Variants in UBN2 observed in about 807,000 individuals in gnomAD.
UBN2 encodes ubinuclein-2.
Under a neutral mutation model 120.2 loss-of-function variants are expected in UBN2, and 35 were observed. The ratio of observed to expected loss-of-function variants is 0.29; its 90% CI spans 0.22 to 0.39. UBN2 has a LOEUF of 0.39. UBN2 is among the 10% of genes least tolerant of loss of function. The pLI is 1.00. For synonymous variants in UBN2, 661 were observed against 648.7 expected (o/e 1.02, Z -0.29); for missense variants, 1,693 against 1,663.2 (o/e 1.02, Z -0.31).
At position 139,259,018 on chromosome 7, in the gene UBN2, C is replaced by G. The variant is rs905155561; in HGVS notation, c.802-249C>G. Among the ~76,000 whole-genome samples, 18 of 152,088 alleles carry G rather than the reference C, an allele frequency of 1.2e-4. No homozygotes were observed. The East Asian group carries it at 3.5e-3, about 29-fold the overall frequency. Reference sequence around the variant, plus strand: ...TGGATAAGTGTTTCTTGAAGTGTGGCCCAAAGACTTACTTACACCAGAATC... The same window carrying G: ...TGGATAAGTGTTTCTTGAAGTGTGGGCCAAAGACTTACTTACACCAGAATC... On this transcript the variant is annotated intron_variant, in intron 4 of 17. Transcript: ENST00000473989.
intron 1 of UBN2, among the ~76,000 whole-genome samples, chr7:139,233,539 T>A (rs1332490668): frequency 6.6e-6 from 1 of 152,178 alleles, no homozygotes; most frequent in East Asian, 1.9e-4. Context: ...CCAACAGAAC[T>A]CCACGAGGTA....
the UBN2 span, among the ~76,000 whole-genome samples, chr7:139,317,186 G>C: frequency 2.0e-5 from 3 of 151,546 alleles, no homozygotes; most frequent in African/African-American, 7.3e-5. Flanking sequence ...TCATTAATCT[G>C]TATTATTATT....
In UBN2 at chr7:139,307,615, C is replaced by T. The variant is rs182744255; in HGVS notation, c.*9779C>T. ...TGCTTGTTTAATTTCCAGCTCAAAT[C>T]GGAGCAGGAATATGGACAAACTGCT... On this transcript the variant is annotated 3_prime_UTR_variant, in exon 18 of 18. Transcript: ENST00000473989. 2.1e-3 allele frequency: 323 copies of T among 152,154 alleles called. 1 individual carries two copies. The highest frequency in any genetic ancestry group is 3.9e-3 in the Non-Finnish European group (264 of 68,030). 9.4% of individuals were successfully genotyped at this position (152,154 alleles called of 1,614,324 possible). A position where few individuals can be genotyped will look rare whatever the true frequency, so the allele number is the denominator to read the frequency against.
rs1216180475 is a variant in UBN2, at chr7:139,283,184, T to G, written c.2279T>G (p.Leu760Arg). Residue 760 changes from leucine (L) to arginine (R), a missense_variant, in exon 15 of 18, where the codon CTT becomes CGT. By Grantham distance (102) the Leu-to-Arg change is moderately radical (BLOSUM62 -2). Around this residue, in one of 5 missense-constraint regions of UBN2, gnomAD observed 837 missense variants for 817.6 expected, o/e 1.02. Transcript: ENST00000473989. ...CTCGACGACTCACTAGATGAAGACC[T>G]TTCTTTCCATTCACCTTCACTGGAT... ...ICLDDSLDED[L>R]SFHSPSLDLV... 1 of 1,612,554 alleles carries G rather than the reference T, an allele frequency of 6.2e-7. No homozygotes were observed. The highest frequency in any genetic ancestry group is 2.2e-5 in the East Asian group (1 of 44,862).
intron 13 of UBN2, 63 bp downstream of exon 13, chr7:139,279,423 G>A (rs1797538227): frequency 1.6e-6 from 2 of 1,283,550 alleles, no homozygotes; most frequent in East Asian, 4.7e-5. Flanking sequence ...ACATTCCTAA[G>A]ATGAAAAAGA....
Position 139,258,564 on chromosome 7 carries a change from G to C in UBN2, c.740G>C (p.Arg247Pro). The C allele has an allele frequency of 6.2e-7, 1 of 1,606,298 alleles. No homozygotes were observed. The highest frequency in any genetic ancestry group is 8.5e-7 in the Non-Finnish European group (1 of 1,175,908). ...ATCAACACTGGCACTCTACAGTTTC[G>C]CCAAGCTTCAGATACTGAAGAAGAT... ...FYINTGTLQF[R>P]QASDTEEDDI... Residue 247 changes from arginine (R) to proline (P), a missense_variant, in exon 4 of 18, where the codon CGC (arginine) becomes CCC (proline). Physicochemically the swap from Arg to Pro is moderately radical, Grantham distance 103. This residue lies in a region of UBN2 where 663 missense variants were observed against 591.2 expected (regional missense o/e 1.12). Coordinates refer to ENST00000473989, the MANE Select transcript of UBN2 (RefSeq NM_173569.4).
rs934909318 is a variant in UBN2, at chr7:139,293,527, T to G, written c.3901+64T>G. 9.2e-6 allele frequency: 13 copies of G among 1,416,822 alleles called. No individual in the cohort carries two copies. In the African/African-American group the frequency reaches 1.7e-4, roughly 19 times the overall value. 87.8% of individuals were successfully genotyped at this position (1,416,822 alleles called of 1,614,324 possible). On this transcript the variant is annotated intron_variant, in intron 16 of 17. Transcript: ENST00000473989. The stretch of plus-strand genomic sequence containing the variant: ...TGACAGAACAGGAAACCTCACAAAT[T>G]TATTCTAATTAAGAGTAGTCCAGTT...
chr7:139,314,568 C>A, the UBN2 span, among the ~76,000 whole-genome samples: 1 of 152,082 alleles, frequency 6.6e-6, no homozygotes. Flanking sequence ...TCACTGCAAC[C>A]TCTGTCTCCC....
chr7:139,231,641 GC>G lies in UBN2; in HGVS notation c.161del (p.Pro54ArgfsTer132). ...YREPARAEPPAPREPAPRSDA... is the reference protein window; with the variant it reads ...YREPARAEPPXPREPAPRSDA... ...CGAGCCGGCCCGGGCGGAGCCGCCG[GC>G]CCCGCGGGAGCCTGCCCCCCGCTCG... is the stretch of plus-strand genomic sequence containing the variant. On this transcript the variant is annotated frameshift_variant, in exon 1 of 18. Coordinates refer to ENST00000473989, the MANE Select transcript of UBN2 (RefSeq NM_173569.4). LOFTEE classifies it high-confidence loss of function. 1 of 1,225,272 alleles carries G rather than the reference GC, an allele frequency of 8.2e-7. No individual in the cohort carries two copies. Among genetic ancestry groups the G allele is most frequent in the Non-Finnish European group, 1.0e-6 (1 of 985,582 alleles). 75.9% of individuals were successfully genotyped at this position (1,225,272 alleles called of 1,614,324 possible). A position where few individuals can be genotyped will look rare whatever the true frequency, so the allele number is the denominator to read the frequency against.
At chr7:139,265,667 T>G (rs1454969884) in intron 6 of UBN2, among the ~76,000 whole-genome samples, 1 of 152,036 alleles carries the variant, frequency 6.6e-6, no homozygotes, top group African/African-American at 2.4e-5. Flanking sequence ...ACTTGTATGC[T>G]TAGAAGAGGG....
downstream of UBN2, among the ~76,000 whole-genome samples, chr7:139,311,930 C>A (rs1403111583): frequency 1.3e-5 from 2 of 152,208 alleles, no homozygotes; most frequent in Non-Finnish European, 2.9e-5. Flanking sequence ...TCCACTCTGC[C>A]ATTCCAAGGG....
intron 2 of UBN2, among the ~76,000 whole-genome samples, chr7:139,244,657 G>C (rs1796415501): frequency 6.6e-6 from 1 of 151,988 alleles, no homozygotes; most frequent in African/African-American, 2.4e-5. Flanking sequence ...TTATCTGCTT[G>C]TTGTGTATTC....
At chr7:139,232,932 G>A (rs908686495) in intron 1 of UBN2, among the ~76,000 whole-genome samples, 13 of 152,184 alleles carry the variant, frequency 8.5e-5, no homozygotes, top group Admixed American at 6.5e-5. Context: ...AAAAGGAAAT[G>A]ATAGATTAAC....
intron 8 of UBN2, among the ~76,000 whole-genome samples, chr7:139,271,486 T>C (rs1251267374): frequency 6.6e-6 from 1 of 151,618 alleles, no homozygotes; most frequent in Non-Finnish European, 1.5e-5. Context: ...CTCGGGTGGC[T>C]GAGGCACGAT....
intron 8 of UBN2, 60 bp from the exon 9 acceptor site, chr7:139,272,262 C>T: frequency 8.0e-7 from 1 of 1,246,194 alleles, no homozygotes; most frequent in Non-Finnish European, 1.1e-6. Flanking sequence ...TTTTGAGGAC[C>T]TGCTTACAAG....
At chr7:139,326,725 C>T in the UBN2 span, among the ~76,000 whole-genome samples, 1 of 152,234 alleles carries the variant, frequency 6.6e-6, no homozygotes, top group Non-Finnish European at 1.5e-5. Flanking sequence ...CACTTGAGAA[C>T]ATGACCCAGA....
At chr7:139,279,426 G>A in intron 13 of UBN2, 66 bp downstream of exon 13, 2 of 1,288,756 alleles carry the variant, frequency 1.6e-6, no homozygotes, top group East Asian at 4.7e-5. Flanking sequence ...TTCCTAAGAT[G>A]AAAAAGATGT....
chr7:139,272,584 T>TGGTACGATTTCGGCTC (rs1797313807), intron 9 of UBN2, 144 bp downstream of exon 9: 1 of 626,640 alleles, frequency 1.6e-6, no homozygotes, highest in Non-Finnish European at 2.6e-6. Context: ...TGGAGTGGAA[T>TGGTACGATTTCGGCTC]GGTACGATTT....
chr7:139,261,948 C>CTTTTTTTTT (rs72000087), intron 6 of UBN2, among the ~76,000 whole-genome samples: 1 of 131,966 alleles, frequency 7.6e-6, no homozygotes, highest in Non-Finnish European at 1.6e-5. Flanking sequence ...TTCTTTCTTT[C>CTTTTTTTTT]TTTTTTTTTT....
Sources: gnomAD v4.1 joint callset for allele counts (sites outside exome capture counted in the v4.1 genomes callset) on GRCh38, gnomAD v4.1.1 for gene constraint, gnomAD v4.1.1 regional missense constraint, MANE v1.5 for transcripts, NCBI Gene and HGNC (gene_info 2026-07-23, HGNC 2026-07-21) for gene names.